The following SOX5 variants were observed in gnomAD, a reference collection of about 807,000 sequenced individuals.
SOX5 encodes the protein SRY-box transcription factor 5, also known as transcription factor SOX-5.
SOX5 carries 9 observed loss-of-function variants against 92.0 expected under a neutral mutation model. The observed-to-expected ratio is 0.10, with a 90% CI of 0.06 to 0.17. SOX5 has a LOEUF of 0.17. Among genes scored for constraint, SOX5 ranks in the 10% least tolerant of loss-of-function variants. The pLI is 1.00. For missense variants in SOX5, 642 were observed against 944.5 expected, an observed-to-expected ratio of 0.68 and a Z score of 4.20; for synonymous variants, 344 against 336.3, an observed-to-expected ratio of 1.02 and a Z score of -0.25.
intron 2 of SOX5, among the ~76,000 whole-genome samples, chr12:24,292,868 G>A (rs1006135796): frequency 5.9e-5 from 9 of 152,104 alleles, no homozygotes; most frequent in Admixed American, 2.6e-4. Flanking sequence ...CACTACCCGC[G>A]TACTTCAAGT....
At chr12:23,646,848 GCAATTATTTCCTCTA>G (rs2080924100) in intron 7 of SOX5, among the ~76,000 whole-genome samples, 1 of 152,132 alleles carries the variant, frequency 6.6e-6, no homozygotes, top group African/African-American at 2.4e-5. Flanking sequence ...CACCACATCT[GCAATTATTTCCTCTA>G]CTGATGTCTT....
chr12:24,162,205 A>G (rs936132401), intron 4 of SOX5, among the ~76,000 whole-genome samples: 2 of 152,132 alleles, frequency 1.3e-5, no homozygotes, highest in African/African-American at 2.4e-5. Context: ...TTTTATAGAA[A>G]GAGATACAAT....
Position 23,853,110 on chromosome 12 carries a change from T to TTATATATATATATACA in SOX5, c.271-6933_271-6918dup, listed in dbSNP as rs1190475832. Among the ~76,000 whole-genome samples the TTATATATATATATACA allele has an allele frequency of 5.1e-4, 76 of 147,614 alleles. 1 individual carries two copies. The highest frequency in any genetic ancestry group is 1.9e-3 in the African/African-American group (75 of 40,364). On this transcript the variant is annotated intron_variant, in intron 2 of 14. Transcript: ENST00000451604. ...AGAAGAGTCAGCACACATGCAAAAA[T>TTATATATATATATACA]TATATATATATATACATATATATAT...
At chr12:23,903,246 T>C (rs1171518145) in intron 1 of SOX5, among the ~76,000 whole-genome samples, 1 of 152,010 alleles carries the variant, frequency 6.6e-6, no homozygotes, top group African/African-American at 2.4e-5. Flanking sequence ...AATCAGAAAA[T>C]GCTTCCCAGA....
chr12:23,987,509 A>C (rs1038471381), intron 4 of SOX5, among the ~76,000 whole-genome samples: 4 of 152,190 alleles, frequency 2.6e-5, no homozygotes, highest in African/African-American at 9.6e-5. Flanking sequence ...TCCATCATGA[A>C]GAGCTGGGTG....
chr12:24,544,046 A>G (rs1952384823), intron 1 of SOX5, among the ~76,000 whole-genome samples: 2 of 152,190 alleles, frequency 1.3e-5, no homozygotes, highest in Admixed American at 6.5e-5. Flanking sequence ...AGTAATAATA[A>G]TGCTACCCGA....
At chr12:24,387,574 G>C (rs1160895517) in intron 1 of SOX5, among the ~76,000 whole-genome samples, 1 of 152,076 alleles carries the variant, frequency 6.6e-6, no homozygotes, top group Non-Finnish European at 1.5e-5. Flanking sequence ...CACTCCAGGA[G>C]ATGGAGTGAG....
At chr12:23,640,741 C>T in intron 8 of SOX5, 71 bp downstream of exon 8, 2 of 1,106,500 alleles carry the variant, frequency 1.8e-6, no homozygotes, top group South Asian at 1.3e-5. Flanking sequence ...TTTTATTTTG[C>T]TTTAACACCA....
intron 3 of SOX5, among the ~76,000 whole-genome samples, chr12:24,238,392 C>T (rs971639660): frequency 6.6e-6 from 1 of 152,152 alleles, no homozygotes; most frequent in African/African-American, 2.4e-5. Flanking sequence ...TTGTTTATTG[C>T]CCAGGCTGAA....
At chr12:23,688,637 C>A (rs1176480768) in intron 6 of SOX5, among the ~76,000 whole-genome samples, 1 of 152,036 alleles carries the variant, frequency 6.6e-6, no homozygotes, top group Admixed American at 6.6e-5. Flanking sequence ...AGCAAATTAT[C>A]AGAGATCCTT....
At chr12:23,916,719 C>T (rs115594063) in intron 1 of SOX5, among the ~76,000 whole-genome samples, 8 of 152,038 alleles carry the variant, frequency 5.3e-5, no homozygotes, top group South Asian at 2.1e-4. Context: ...GTAGCCTTTC[C>T]GGTTCTTAGA....
intron 4 of SOX5, among the ~76,000 whole-genome samples, chr12:24,065,134 T>G (rs924335): frequency 0.93 from 142,002 of 152,246 alleles, 66,966 homozygotes; most frequent in South Asian, 1. Context: ...ATGTGTAAGG[T>G]TCAGTAGATA....
intron 10 of SOX5, among the ~76,000 whole-genome samples, chr12:23,574,194 A>G (rs1281593060): frequency 6.6e-6 from 1 of 151,928 alleles, no homozygotes; most frequent in African/African-American, 2.4e-5. Context: ...TTTTCTTACC[A>G]CACACAGCCT....
At chr12:24,109,885 G>A (rs1440042163) in intron 4 of SOX5, among the ~76,000 whole-genome samples, 1 of 152,150 alleles carries the variant, frequency 6.6e-6, no homozygotes, top group African/African-American at 2.4e-5. Context: ...GACAGAAGCA[G>A]AGTCTTTGCA....
At chr12:24,167,762 A>G (rs139826960) in intron 4 of SOX5, among the ~76,000 whole-genome samples, 1 of 152,350 alleles carries the variant, frequency 6.6e-6, no homozygotes, top group East Asian at 1.9e-4. Flanking sequence ...CTTAACAAAC[A>G]TGACATAGTG....
chr12:24,136,142 T>A (rs1950084751), intron 4 of SOX5, among the ~76,000 whole-genome samples: 1 of 152,126 alleles, frequency 6.6e-6, no homozygotes, highest in African/African-American at 2.4e-5. Context: ...AGATTATAAG[T>A]CAAAGCTCCA....
intron 9 of SOX5, among the ~76,000 whole-genome samples, chr12:23,585,363 G>A (rs986098258): frequency 2.6e-5 from 4 of 152,160 alleles, no homozygotes; most frequent in Admixed American, 2.6e-4. Context: ...TGCTAACAAA[G>A]CCATTGTCAG....
At chr12:23,739,990 ATAAT>A (rs1316706934) in intron 5 of SOX5, among the ~76,000 whole-genome samples, 11 of 152,162 alleles carry the variant, frequency 7.2e-5, no homozygotes, top group Non-Finnish European at 1.5e-4. Flanking sequence ...GATAGCCTCA[ATAAT>A]TAGTTAGTAC....
chr12:23,841,866 T>C (rs1165455668), intron 3 of SOX5, among the ~76,000 whole-genome samples: 1 of 152,084 alleles, frequency 6.6e-6, no homozygotes, highest in African/African-American at 2.4e-5. Context: ...CAGTGGTAAA[T>C]GACAATATGC....
Sources: allele counts gnomAD v4.1 joint callset (sites outside exome capture counted in the v4.1 genomes callset), GRCh38; gene constraint gnomAD v4.1.1; transcripts MANE v1.5; gene names NCBI Gene and HGNC (gene_info 2026-07-23, HGNC 2026-07-21).